The following AUTS2 variants were observed in gnomAD, a reference collection of about 807,000 sequenced individuals.
AUTS2 encodes the protein autism susceptibility gene 2 protein.
A neutral mutation model predicts 112.4 loss-of-function variants in AUTS2; 17 were observed. The ratio of observed to expected loss-of-function variants is 0.15; its 90% CI spans 0.10 to 0.23. The LOEUF (loss-of-function observed/expected upper bound fraction) is 0.23, where lower values mean the gene tolerates loss of function less well. AUTS2 is among the 10% of genes least tolerant of loss of function. The probability of loss-of-function intolerance (pLI) is 1.00; values close to 1 mark genes in which losing one functional copy is unlikely to be tolerated. For missense variants in AUTS2, 1,510 were observed against 1,701.6 expected (o/e 0.89, Z 1.98); for synonymous variants, 751 against 702.7 (o/e 1.07, Z -1.09).
intron 6 of AUTS2, among the ~76,000 whole-genome samples, chr7:70,707,246 G>C (rs758123828): frequency 1.3e-5 from 2 of 152,200 alleles, no homozygotes; most frequent in Non-Finnish European, 2.9e-5. Flanking sequence ...GGAAACTGAA[G>C]TTAGATATGA....
chr7:70,034,359 G>A (rs1017352939), intron 2 of AUTS2, among the ~76,000 whole-genome samples: 1 of 152,124 alleles, frequency 6.6e-6, no homozygotes, highest in Non-Finnish European at 1.5e-5. Context: ...TGAGAGGATG[G>A]CACAAGGATC....
intron 6 of AUTS2, among the ~76,000 whole-genome samples, chr7:70,760,098 C>T (rs1277103758): frequency 1.3e-5 from 2 of 152,004 alleles, no homozygotes; most frequent in African/African-American, 4.8e-5. Flanking sequence ...CTCTGCCTCC[C>T]AGGTTCACGC....
chr7:70,157,145 T>A (rs1807823238), intron 4 of AUTS2, among the ~76,000 whole-genome samples: 1 of 152,020 alleles, frequency 6.6e-6, no homozygotes, highest in African/African-American at 2.4e-5. Context: ...TATAATTTTC[T>A]AAGAATTTGT....
At chr7:70,308,534 A>G (rs1789588241) in intron 4 of AUTS2, among the ~76,000 whole-genome samples, 1 of 152,216 alleles carries the variant, frequency 6.6e-6, no homozygotes, top group Admixed American at 6.5e-5. Context: ...GGATTGCCCT[A>G]AAGTATTGAG....
chr7:70,721,502 G>A (rs1212764381), intron 6 of AUTS2, among the ~76,000 whole-genome samples: 1 of 152,150 alleles, frequency 6.6e-6, no homozygotes, highest in Non-Finnish European at 1.5e-5. Flanking sequence ...TTTTCACCAT[G>A]TTGGCCAGGC....
intron 1 of AUTS2, among the ~76,000 whole-genome samples, chr7:69,792,570 C>G (rs1192531593): frequency 6.6e-6 from 1 of 152,142 alleles, no homozygotes; most frequent in Non-Finnish European, 1.5e-5. Context: ...CATCTTTAAA[C>G]TTCACAGTAG....
intron 4 of AUTS2, among the ~76,000 whole-genome samples, chr7:70,315,060 A>G (rs1251737531): frequency 6.6e-6 from 1 of 152,158 alleles, no homozygotes; most frequent in Non-Finnish European, 1.5e-5. Context: ...ACTGTATCCT[A>G]TTGTGCTAAT....
intron 1 of AUTS2, among the ~76,000 whole-genome samples, chr7:69,768,505 T>A (rs1198732818): frequency 6.6e-6 from 1 of 152,186 alleles, no homozygotes; most frequent in Non-Finnish European, 1.5e-5. Flanking sequence ...AATGTTGTAT[T>A]TACAGCTTTG....
chr7:70,374,695 G>GTTC (rs1793004472), intron 4 of AUTS2, among the ~76,000 whole-genome samples: 2 of 152,158 alleles, frequency 1.3e-5, no homozygotes. Context: ...TCAGAAGAAA[G>GTTC]GTGAAAGACA....
intron 4 of AUTS2, among the ~76,000 whole-genome samples, chr7:70,434,439 A>T (rs913740325): frequency 5.3e-5 from 8 of 152,194 alleles, no homozygotes; most frequent in African/African-American, 1.9e-4. Context: ...ACCAACTCCC[A>T]TGTCCAGGTG....
chr7:70,554,805 C>T (rs1801179869), intron 5 of AUTS2, among the ~76,000 whole-genome samples: 1 of 152,186 alleles, frequency 6.6e-6, no homozygotes. Context: ...GGCAGGCTGC[C>T]CACCCACTGA....
intron 3 of AUTS2, among the ~76,000 whole-genome samples, chr7:70,133,856 C>T (rs547123324): frequency 1.3e-5 from 2 of 152,224 alleles, no homozygotes; most frequent in African/African-American, 4.8e-5. Flanking sequence ...TTTTAAATTC[C>T]CTGTGTGTCA....
intron 1 of AUTS2, among the ~76,000 whole-genome samples, chr7:69,687,926 A>G (rs1442585429): frequency 6.6e-6 from 1 of 152,132 alleles, no homozygotes; most frequent in Non-Finnish European, 1.5e-5. Flanking sequence ...AAGCCATATA[A>G]TGGACTATTT....
chr7:70,504,480 CAGAG>C (rs1419151219), intron 5 of AUTS2, among the ~76,000 whole-genome samples: 1 of 152,072 alleles, frequency 6.6e-6, no homozygotes, highest in Non-Finnish European at 1.5e-5. Context: ...AGCAAAATAA[CAGAG>C]ATTATGGGCA....
At chr7:70,618,671 G>A (rs1804507426) in intron 5 of AUTS2, among the ~76,000 whole-genome samples, 1 of 152,064 alleles carries the variant, frequency 6.6e-6, no homozygotes, top group Non-Finnish European at 1.5e-5. Flanking sequence ...ACACACACAT[G>A]CTTGGTGGAG....
chr7:70,726,021 CAAAA>C (rs1279513351), intron 6 of AUTS2, among the ~76,000 whole-genome samples: 1 of 100,688 alleles, frequency 9.9e-6, no homozygotes, highest in Non-Finnish European at 2.0e-5. Context: ...GACTCCATTT[CAAAA>C]AAAAAAAAAA....
chr7:70,710,776 G>A (rs1348595255), intron 6 of AUTS2, among the ~76,000 whole-genome samples: 1 of 152,234 alleles, frequency 6.6e-6, no homozygotes, highest in African/African-American at 2.4e-5. Flanking sequence ...GAGAAAGGAG[G>A]AACGTCACAG....
intron 4 of AUTS2, among the ~76,000 whole-genome samples, chr7:70,397,335 G>A (rs1431148995): frequency 6.6e-6 from 1 of 151,908 alleles, no homozygotes; most frequent in Non-Finnish European, 1.5e-5. Context: ...AAAGTGCTGG[G>A]ATTACAGGCA....
At position 69,599,783 on chromosome 7, in the gene AUTS2, C is replaced by G. The variant is rs748798665; in HGVS notation, c.130C>G (p.Arg44Gly). Reference protein sequence around the residue: ...AAGGGGAGRTRALSLASSSGS... With the variant: ...AAGGGGAGRTGALSLASSSGS... Reference sequence around the variant, plus strand: ...CGGCGGCGGCGGGGCTGGCCGGACCCGGGCGCTCTCACTCGCCTCGTCGTC... The same window carrying G: ...CGGCGGCGGCGGGGCTGGCCGGACCGGGGCGCTCTCACTCGCCTCGTCGTC... Residue 44 changes from arginine (R) to glycine (G), a missense_variant, in exon 1 of 19, where the codon CGG becomes GGG. Physicochemically the swap from Arg to Gly is moderately radical, Grantham distance 125. Transcript: ENST00000342771. This position sits in a 1 kb window ranked among gnomAD's most constrained non-coding sequence, Gnocchi z 7.0. The G allele has an allele frequency of 3.9e-6, 6 of 1,543,934 alleles. No homozygotes were observed. Among genetic ancestry groups the G allele is most frequent in the Non-Finnish European group, 5.2e-6 (6 of 1,147,324 alleles).
Sources: allele counts gnomAD v4.1 joint callset (sites outside exome capture counted in the v4.1 genomes callset), GRCh38; gene constraint gnomAD v4.1.1; non-coding constraint Gnocchi (gnomAD v3.1); transcripts MANE v1.5; gene names NCBI Gene and HGNC (gene_info 2026-07-23, HGNC 2026-07-21).